TMEM68: variants seen among roughly 807,000 people sequenced by gnomAD.
TMEM68 encodes DGAT1/2-independent enzyme synthesizing storage lipids.
A neutral mutation model predicts 36.9 loss-of-function variants in TMEM68; 25 were observed. The observed-to-expected ratio is 0.68, with a 90% CI of 0.49 to 0.95. The LOEUF (loss-of-function observed/expected upper bound fraction) is 0.95. Among genes scored for constraint, TMEM68 ranks in the 40% least tolerant of loss-of-function variants. TMEM68 has a pLI of 0.00. For missense variants in TMEM68, 333 were observed against 392.0 expected, an observed-to-expected ratio of 0.85 and a Z score of 1.27; for synonymous variants, 131 against 124.4, an observed-to-expected ratio of 1.05 and a Z score of -0.35.
chr8:55,744,475 T>G (rs1266821585), intron 6 of TMEM68, among the ~76,000 whole-genome samples: 2 of 150,606 alleles, frequency 1.3e-5, no homozygotes, highest in Non-Finnish European at 3.0e-5. Flanking sequence ...CTAGCTAATT[T>G]TGTTTGTATT....
intron 6 of TMEM68, 44 bp from the exon 7 acceptor site, chr8:55,743,664 T>G: frequency 6.7e-7 from 1 of 1,497,130 alleles, no homozygotes; most frequent in Non-Finnish European, 8.9e-7. Flanking sequence ...TTAAGTATTC[T>G]GACCATGTAA....
Position 55,751,134 on chromosome 8 carries a change from A to G in TMEM68, c.517T>C (p.Phe173Leu). 6.2e-7 allele frequency: 1 copy of G among 1,609,196 alleles called. No homozygotes were observed. The highest frequency in any genetic ancestry group is 8.5e-7 in the Non-Finnish European group (1 of 1,178,790). The change falls in exon 5 of 8, where the codon TTT becomes CTT. Residue 173 changes from phenylalanine to leucine, a missense_variant. By Grantham distance (22) the Phe-to-Leu change is conservative. Coordinates refer to ENST00000434581, the MANE Select transcript of TMEM68 (RefSeq NM_001286657.2). The part of the protein sequence containing the change: ...IPGFSLLLDV[F>L]CALHGPREKC... ...TCTCTTGGTCCATGTAGAGCACAAA[A>G]CACATCCAGTAATAAACTAAACCCT...
At chr8:55,769,435 C>T (rs1012371629) in intron 1 of TMEM68, among the ~76,000 whole-genome samples, 1 of 151,590 alleles carries the variant, frequency 6.6e-6, no homozygotes, top group Non-Finnish European at 1.5e-5. Context: ...ATTGTTAGAG[C>T]TCTGTCCTTG....
Sources: allele counts gnomAD v4.1 joint callset (sites outside exome capture counted in the v4.1 genomes callset), GRCh38; gene constraint gnomAD v4.1.1; transcripts MANE v1.5; gene names NCBI Gene and HGNC (gene_info 2026-07-23, HGNC 2026-07-21).